EPB41L3: variants seen among roughly 807,000 people sequenced by gnomAD.
The protein encoded by EPB41L3 is erythrocyte membrane protein band 4.1 like 3, also known as band 4.1-like protein 3.
In EPB41L3, 57 loss-of-function variants were observed where a neutral mutation model predicts 127.1. That is an observed-to-expected ratio of 0.45 (90% CI 0.36 to 0.56). The LOEUF is 0.56. Among genes scored for constraint, EPB41L3 ranks in the 20% least tolerant of loss-of-function variants. The probability of loss-of-function intolerance (pLI) is 0.00; values close to 1 mark genes in which losing one functional copy is unlikely to be tolerated. For synonymous variants in EPB41L3, 572 were observed against 549.5 expected (o/e 1.04, Z -0.57); for missense variants, 1,273 against 1,372.2 (o/e 0.93, Z 1.14).
At chr18:5,581,262 G>A (rs1467348184) in intron 3 of EPB41L3, among the ~76,000 whole-genome samples, 1 of 152,128 alleles carries the variant, frequency 6.6e-6, no homozygotes, top group Non-Finnish European at 1.5e-5. Flanking sequence ...TACTTTTGGA[G>A]AATCTGGTTT....
intron 1 of EPB41L3, among the ~76,000 whole-genome samples, chr18:5,623,036 C>T (rs2094882542): frequency 7.3e-6 from 1 of 137,198 alleles, no homozygotes; most frequent in African/African-American, 2.7e-5. Context: ...AAACTACAGT[C>T]ACGTAGCTGA....
rs778610232 is a variant in EPB41L3, at chr18:5,395,127, T to C, written c.3093A>G (p.Ser1031=). Reference sequence around the variant, plus strand: ...CTATTCGCTTCTCAATTCTTGTCTCTGAAATGCCCCCTTTCACAGTCTGCA... The same window carrying C: ...CTATTCGCTTCTCAATTCTTGTCTCCGAAATGCCCCCTTTCACAGTCTGCA... ...HITKTVKGGI[S]ETRIEKRIVI... Residue 1031 remains serine (S), a synonymous_variant, in exon 21 of 23, where the codon TCA becomes TCG. Coordinates refer to ENST00000341928, the MANE Select transcript of EPB41L3 (RefSeq NM_012307.5). The C allele has an allele frequency of 6.2e-7, 1 of 1,614,018 alleles. No homozygotes were observed.
intron 3 of EPB41L3, among the ~76,000 whole-genome samples, chr18:5,561,089 T>C (rs866169910): frequency 2.0e-5 from 3 of 148,642 alleles, no homozygotes; most frequent in South Asian, 2.2e-4. Context: ...GCCATTCTCC[T>C]GCCTCAGCCT....
chr18:5,527,610 A>C (rs1177677869), intron 1 of EPB41L3, among the ~76,000 whole-genome samples: 1 of 152,236 alleles, frequency 6.6e-6, no homozygotes, highest in Non-Finnish European at 1.5e-5. Flanking sequence ...AAAACATAAA[A>C]TGTGTAGTGA....
chr18:5,523,989 A>C (rs941992565), intron 1 of EPB41L3, among the ~76,000 whole-genome samples: 1 of 152,126 alleles, frequency 6.6e-6, no homozygotes, highest in Non-Finnish European at 1.5e-5. Flanking sequence ...TTATATATAC[A>C]TATATATGTG....
intron 2 of EPB41L3, among the ~76,000 whole-genome samples, chr18:5,483,718 G>T (rs1405340317): frequency 6.6e-6 from 1 of 151,828 alleles, no homozygotes; most frequent in African/African-American, 2.4e-5. Flanking sequence ...ACTAAAATGA[G>T]AAAAAGCAGG....
intron 1 of EPB41L3, among the ~76,000 whole-genome samples, chr18:5,498,322 C>T (rs764241255): frequency 2.0e-5 from 3 of 152,040 alleles, no homozygotes; most frequent in Non-Finnish European, 2.9e-5. Flanking sequence ...GGCTGGGCGC[C>T]GTGGCTCACG....
chr18:5,443,848 T>C lies in EPB41L3; in HGVS notation c.519A>G (p.Lys173=). The C allele has an allele frequency of 6.2e-7, 1 of 1,608,506 alleles. No individual in the cohort carries two copies. The highest frequency in any genetic ancestry group is 8.5e-7 in the Non-Finnish European group (1 of 1,177,790). ...TCCAAAAGAACTTACTTCGAACCTG[T>C]TTTTTTATTTCCTTAGCAGGGTCCA... The part of the protein sequence containing the change: ...NWLDPAKEIK[K]QVRSGAWHFS... The change falls in exon 5 of 23, where the codon AAA becomes AAG. Residue 173 remains lysine (K), a synonymous_variant. Transcript: ENST00000341928.
At chr18:5,468,761 A>G (rs542683229) in intron 3 of EPB41L3, among the ~76,000 whole-genome samples, 2 of 152,244 alleles carry the variant, frequency 1.3e-5, no homozygotes, top group South Asian at 2.1e-4. Context: ...AAAAATACAA[A>G]AACAATTAGC....
At chr18:5,551,149 G>A (rs1289865841) in intron 3 of EPB41L3, among the ~76,000 whole-genome samples, 1 of 152,140 alleles carries the variant, frequency 6.6e-6, no homozygotes, top group African/African-American at 2.4e-5. Context: ...TTTTTCCTGG[G>A]TGTCTCAATG....
chr18:5,508,360 T>C lies in EPB41L3; in HGVS notation c.-11-19166A>G, dbSNP rs1361456441. 2.6e-5 allele frequency: 4 copies of C among 152,188 alleles called. No homozygotes were observed. The East Asian group carries it at 7.7e-4, about 29-fold the overall frequency. 9.4% of individuals were successfully genotyped at this position (152,188 alleles called of 1,614,324 possible). On this transcript the variant is annotated intron_variant, in intron 1 of 22. Transcript: ENST00000341928. ...CTGTACAACCCAAAAGAAGACATAT[T>C]TTCCACTGAACTATCTCTGTCTAAT...
chr18:5,617,892 A>T (rs1013293703), intron 1 of EPB41L3, among the ~76,000 whole-genome samples: 7 of 152,228 alleles, frequency 4.6e-5, no homozygotes, highest in Non-Finnish European at 8.8e-5. Flanking sequence ...GAGGGATTCA[A>T]GAAGGAAGTT....
intron 3 of EPB41L3, among the ~76,000 whole-genome samples, chr18:5,459,000 T>C (rs1158813455): frequency 3.3e-5 from 5 of 152,184 alleles, no homozygotes; most frequent in Admixed American, 2.6e-4. Context: ...ATCCAAATTT[T>C]TGAGGTATAT....
Position 5,529,297 on chromosome 18 carries a change from G to A in EPB41L3, c.-12+14616C>T, listed in dbSNP as rs185216033. 6.0e-5 allele frequency among the ~76,000 whole-genome samples: 9 copies of A among 150,970 alleles called. No homozygotes were observed. In the East Asian group the frequency reaches 7.8e-4, roughly 13 times the overall value. On this transcript the variant is annotated intron_variant, in intron 1 of 22. Coordinates refer to ENST00000341928, the MANE Select transcript of EPB41L3 (RefSeq NM_012307.5). ...TATACTTCTTTAAAAAATAAAACACGGTGGATAAAAATTACATCAAATACA... is the reference window on the plus strand; with the variant it reads ...TATACTTCTTTAAAAAATAAAACACAGTGGATAAAAATTACATCAAATACA...
intron 1 of EPB41L3, among the ~76,000 whole-genome samples, chr18:5,534,136 C>T (rs1322052016): frequency 6.6e-6 from 1 of 152,120 alleles, no homozygotes; most frequent in Non-Finnish European, 1.5e-5. Flanking sequence ...GCACTCCAGC[C>T]TGGGTGACAG....
At chr18:5,564,034 A>G (rs766625363) in intron 3 of EPB41L3, among the ~76,000 whole-genome samples, 87 of 152,278 alleles carry the variant, frequency 5.7e-4, no homozygotes, top group Non-Finnish European at 1.1e-3. Flanking sequence ...GAAGTATCGA[A>G]AAGAGAGACA....
intron 1 of EPB41L3, among the ~76,000 whole-genome samples, chr18:5,512,412 T>C (rs2092570117): frequency 6.6e-6 from 1 of 151,568 alleles, no homozygotes; most frequent in Non-Finnish European, 1.5e-5. Flanking sequence ...GTGTCTTTGT[T>C]TGGGTGGGGG....
chr18:5,628,772 G>A (rs2094953433), intron 1 of EPB41L3: 2 of 151,856 alleles, frequency 1.3e-5, no homozygotes. Flanking sequence ...GCGCCAGGGC[G>A]GTCACCGAGC....
chr18:5,457,259 G>C (rs1357181777), intron 3 of EPB41L3, among the ~76,000 whole-genome samples: 1 of 152,156 alleles, frequency 6.6e-6, no homozygotes, highest in Non-Finnish European at 1.5e-5. Flanking sequence ...TACATGTTTA[G>C]ACTGCACTGT....
Sources: allele counts gnomAD v4.1 joint callset (sites outside exome capture counted in the v4.1 genomes callset), GRCh38; gene constraint gnomAD v4.1.1; transcripts MANE v1.5; gene names NCBI Gene and HGNC (gene_info 2026-07-23, HGNC 2026-07-21).